Variants in UBA5 observed in about 807,000 individuals in gnomAD.
The protein encoded by UBA5 is ubiquitin like modifier activating enzyme 5, also known as ubiquitin-like modifier-activating enzyme 5.
A neutral mutation model predicts 52.9 loss-of-function variants in UBA5; 28 were observed. That is an observed-to-expected ratio of 0.53 (90% confidence interval 0.39 to 0.73). The LOEUF is 0.73. Ranked by LOEUF, UBA5 falls within the 30% of genes least tolerant of loss-of-function variation. The pLI, the probability that UBA5 is intolerant of heterozygous loss-of-function variation, is 0.00. For synonymous variants in UBA5, 135 were observed against 162.1 expected, an observed-to-expected ratio of 0.83 and a Z score of 1.27; for missense variants, 388 against 492.7, an observed-to-expected ratio of 0.79 and a Z score of 2.01.
In UBA5 at chr3:132,677,313, C is replaced by G. The variant is rs1249200612; in HGVS notation, c.*787C>G. 1 of 157,178 alleles carries G rather than the reference C, an allele frequency of 6.4e-6. No individual in the cohort carries two copies. The highest frequency in any genetic ancestry group is 2.4e-5 in the African/African-American group (1 of 41,478). The allele number at this position is 157,178 out of a possible 1,614,324, so 9.7% of individuals were successfully genotyped here. On this transcript the variant is annotated 3_prime_UTR_variant, in exon 12 of 12. Coordinates refer to ENST00000356232, the MANE Select transcript of UBA5 (RefSeq NM_024818.6). ...CTGAAGAGCAAGGCATAAATTTAGA[C>G]TAAAATCCATCCAGATTACACTCAT... is the stretch of plus-strand genomic sequence containing the variant.
rs1301427489 is a variant in UBA5 at position 132,660,354 on chromosome 3, C to T, written c.-184C>T. 1.4e-6 allele frequency: 1 copy of T among 714,458 alleles called. No individual in the cohort carries two copies. The highest frequency in any genetic ancestry group is 2.3e-6 in the Non-Finnish European group (1 of 442,954). 44.3% of individuals were successfully genotyped at this position (714,458 alleles called of 1,614,324 possible). A position where few individuals can be genotyped will look rare whatever the true frequency, so the allele number is the denominator to read the frequency against. On this transcript the variant is annotated 5_prime_UTR_variant, in exon 1 of 12. Transcript: ENST00000356232. This position sits in a 1 kb window ranked among gnomAD's most constrained non-coding sequence, Gnocchi z 4.1. Reference sequence around the variant, plus strand: ...GCACCGGAAGCGGCTCCGAGGAAGGCCTGTGGGAGTCTCGGAGACGTGTCT... The same window carrying T: ...GCACCGGAAGCGGCTCCGAGGAAGGTCTGTGGGAGTCTCGGAGACGTGTCT...
At chr3:132,659,903 G>T (rs537029682), upstream of UBA5, 24 of 903,550 alleles carry the variant, frequency 2.7e-5, no homozygotes, top group East Asian at 7.1e-4. Context: ...CGCCGTTGCT[G>T]AGCAACGCTT....
At chr3:132,672,009 T>A (rs2107943334) in intron 7 of UBA5, 41 bp from the exon 8 acceptor site, 1 of 1,609,676 alleles carries the variant, frequency 6.2e-7, no homozygotes, top group East Asian at 2.2e-5. Context: ...ATCTCATACT[T>A]TTTCTCTTTT....
intron 3 of UBA5, among the ~76,000 whole-genome samples, chr3:132,667,089 G>C (rs772168913): frequency 6.6e-6 from 1 of 152,102 alleles, no homozygotes; most frequent in Non-Finnish European, 1.5e-5. Flanking sequence ...GATGTTGCTA[G>C]GATTACACCA....
chr3:132,679,721 A>G lies in UBA5; in HGVS notation c.*3195A>G, dbSNP rs979800288. On this transcript the variant is annotated 3_prime_UTR_variant, in exon 12 of 12. Transcript: ENST00000356232. ...TTTTCTAAGGTGATAAACCGAACACATTACTTGCTATGTATTAAATGACTT... is the reference window on the plus strand; with the variant it reads ...TTTTCTAAGGTGATAAACCGAACACGTTACTTGCTATGTATTAAATGACTT... Among the ~76,000 whole-genome samples the G allele has an allele frequency of 5.9e-5, 9 of 152,282 alleles. No individual in the cohort carries two copies. Among genetic ancestry groups the G allele is most frequent in the African/African-American group, 1.7e-4 (7 of 41,548 alleles).
intron 3 of UBA5, among the ~76,000 whole-genome samples, chr3:132,666,576 A>C (rs949058413): frequency 3.9e-5 from 6 of 152,128 alleles, no homozygotes; most frequent in African/African-American, 1.4e-4. Context: ...TCAGTCTACC[A>C]ATCTTAGATT....
chr3:132,674,612 C>T (rs1337156166), intron 8 of UBA5, among the ~76,000 whole-genome samples: 1 of 152,134 alleles, frequency 6.6e-6, no homozygotes, highest in Non-Finnish European at 1.5e-5. Context: ...TTGCTTGAGC[C>T]TGGGAGGGCG....
rs1197963827 is a variant in UBA5 at position 132,668,952 on chromosome 3, C to T, written c.407+25C>T. Reference sequence around the variant, plus strand: ...GGTAAATGGAATAGCAATCAAGTACCATATTCAGTGAAATCTTACTTTATG... The same window carrying T: ...GGTAAATGGAATAGCAATCAAGTACTATATTCAGTGAAATCTTACTTTATG... On this transcript the variant is annotated intron_variant, in intron 4 of 11. Transcript: ENST00000356232. 12 of 1,397,396 alleles carry T rather than the reference C, an allele frequency of 8.6e-6. No individual in the cohort carries two copies. In the Admixed American group the frequency reaches 2.5e-4, roughly 29 times the overall value. The allele number at this position is 1,397,396 out of a possible 1,614,324, so 86.6% of individuals were successfully genotyped here. A position where few individuals can be genotyped will look rare whatever the true frequency, so the allele number is the denominator to read the frequency against.
At chr3:132,659,510 G>A, upstream of UBA5, 2 of 1,563,512 alleles carry the variant, frequency 1.3e-6, no homozygotes, top group Admixed American at 1.8e-5. Context: ...AGCAATCAGG[G>A]TGGGAGAAAC....
intron 3 of UBA5, chr3:132,667,612 A>T (rs1938431298): frequency 6.6e-6 from 1 of 152,168 alleles, no homozygotes; most frequent in African/African-American, 2.4e-5. Context: ...CCCAGAGTCC[A>T]TTTCTTATCC....
upstream of UBA5, among the ~76,000 whole-genome samples, chr3:132,657,810 C>T (rs182167732): frequency 5.9e-4 from 89 of 150,662 alleles, no homozygotes; most frequent in African/African-American, 1.1e-3. Flanking sequence ...AATTTATAAA[C>T]ATGTATTTGT....
At position 132,660,457 on chromosome 3, in the gene UBA5, TCGCGGG is replaced by T; in HGVS notation, c.-79_-74del. 4 of 1,522,046 alleles carry T rather than the reference TCGCGGG, an allele frequency of 2.6e-6. No homozygotes were observed. The highest frequency in any genetic ancestry group is 3.5e-6 in the Non-Finnish European group (4 of 1,135,846). 94.3% of individuals were successfully genotyped at this position (1,522,046 alleles called of 1,614,324 possible). The stretch of plus-strand genomic sequence containing the variant: ...GGCGAGGTGCCTCCCCACGTACCCC[TCGCGGG>T]CCCAGCCGAGCAACGTGGGGCGAAG... On this transcript the variant is annotated 5_prime_UTR_variant, in exon 1 of 12. Coordinates refer to ENST00000356232, the MANE Select transcript of UBA5 (RefSeq NM_024818.6). This position sits in a 1 kb window ranked among gnomAD's most constrained non-coding sequence, Gnocchi z 4.1.
chr3:132,660,673 G>C lies in UBA5; in HGVS notation c.136G>C (p.Glu46Gln). Residue 46 changes from glutamate to glutamine, a missense_variant, in exon 1 of 12, where the codon GAG (glutamate) becomes CAG (glutamine). Coordinates refer to ENST00000356232, the MANE Select transcript of UBA5 (RefSeq NM_024818.6). The surrounding 1 kb of genome is among the most constrained non-coding windows in gnomAD (Gnocchi z 4.1). ...GGTCCGCATCGAGAAGATGAGCTCA[G>C]AGGTGGTGGATTCGAATCCCTACAG... ...GRVRIEKMSS[E>Q]VVDSNPYSRL... 6.4e-7 allele frequency: 1 copy of C among 1,574,688 alleles called. No individual in the cohort carries two copies. Among genetic ancestry groups the C allele is most frequent in the Non-Finnish European group, 8.6e-7 (1 of 1,160,194 alleles).
At chr3:132,675,202 T>C in intron 8 of UBA5, 46 bp from the exon 9 acceptor site, 1 of 1,419,154 alleles carries the variant, frequency 7.0e-7, no homozygotes, top group South Asian at 1.3e-5. Context: ...TCTAGTATTT[T>C]TCATGTTTTA....
chr3:132,663,746 G>A (rs140559144), intron 1 of UBA5, among the ~76,000 whole-genome samples: 1 of 152,252 alleles, frequency 6.6e-6, no homozygotes, highest in African/African-American at 2.4e-5. Context: ...AACAAAGGAT[G>A]AAAGAAACTT....
rs549399797 is a variant in UBA5, at chr3:132,679,066, G to T, written c.*2540G>T. Among the ~76,000 whole-genome samples the T allele has an allele frequency of 3.0e-4, 45 of 151,650 alleles. No homozygotes were observed. The highest frequency in any genetic ancestry group is 1.1e-3 in the African/African-American group (44 of 41,372). On this transcript the variant is annotated 3_prime_UTR_variant, in exon 12 of 12. Transcript: ENST00000356232. ...GGGTAGGTCAAGAGGTCAGGAGTTCGAGACCAGCCTGACCAACATGGCAAA... is the reference window on the plus strand; with the variant it reads ...GGGTAGGTCAAGAGGTCAGGAGTTCTAGACCAGCCTGACCAACATGGCAAA...
Position 132,673,870 on chromosome 3 carries a change from T to C in UBA5, c.813-1378T>C, listed in dbSNP as rs189597173. Among the ~76,000 whole-genome samples, 183 of 152,230 alleles carry C rather than the reference T, an allele frequency of 1.2e-3. 1 individual carries two copies. Among genetic ancestry groups the C allele is most frequent in the African/African-American group, 3.8e-3 (157 of 41,532 alleles). ...TTTGTAGAAACAAAGTCTCCTTGTTTTCCAGGCTGGTCTTGAACTCCTGGG... is the reference window on the plus strand; with the variant it reads ...TTTGTAGAAACAAAGTCTCCTTGTTCTCCAGGCTGGTCTTGAACTCCTGGG... On this transcript the variant is annotated intron_variant, in intron 8 of 11. Transcript: ENST00000356232.
upstream of UBA5, chr3:132,659,929 A>T (rs1366403184): frequency 1.5e-6 from 1 of 671,498 alleles, no homozygotes; most frequent in African/African-American, 1.9e-5. Context: ...CTGAATCCCG[A>T]GGTTTTAGCT....
At chr3:132,675,162 T>C in intron 8 of UBA5, 86 bp from the exon 9 acceptor site, 1 of 975,364 alleles carries the variant, frequency 1.0e-6, no homozygotes, top group Non-Finnish European at 1.5e-6. Context: ...AATTACCTAT[T>C]TCAACGTTAT....
Sources: allele counts gnomAD v4.1 joint callset (sites outside exome capture counted in the v4.1 genomes callset), GRCh38; gene constraint gnomAD v4.1.1; non-coding constraint Gnocchi (gnomAD v3.1); transcripts MANE v1.5; gene names NCBI Gene and HGNC (gene_info 2026-07-23, HGNC 2026-07-21).